The following GREB1L variants were observed in gnomAD, a reference collection of about 807,000 sequenced individuals.
GREB1L encodes the protein GREB1-like protein.
In GREB1L, 17 loss-of-function variants were observed where a neutral mutation model predicts 200.8. The observed-to-expected ratio is 0.08, with a 90% CI of 0.06 to 0.13. The LOEUF (loss-of-function observed/expected upper bound fraction) is 0.13. GREB1L is among the 10% of genes least tolerant of loss of function. The probability of loss-of-function intolerance (pLI) is 1.00; values close to 1 mark genes in which losing one functional copy is unlikely to be tolerated. For missense variants in GREB1L, 1,657 were observed against 2,367.7 expected (o/e 0.70, Z 6.23); for synonymous variants, 789 against 893.0 (o/e 0.88, Z 2.08).
At chr18:21,361,325 A>G (rs1466155968) in intron 1 of GREB1L, among the ~76,000 whole-genome samples, 1 of 152,230 alleles carries the variant, frequency 6.6e-6, no homozygotes, top group Non-Finnish European at 1.5e-5. Context: ...ACTCAGCAGC[A>G]TGCCATTTTG....
At chr18:21,499,597 A>C (rs2036691276) in intron 21 of GREB1L, 132 bp from the exon 22 acceptor site, 1 of 648,502 alleles carries the variant, frequency 1.5e-6, no homozygotes, top group Non-Finnish European at 2.7e-6. Flanking sequence ...GGCAAAGAGA[A>C]GATTTCTTGC....
chr18:21,260,446 A>T (rs1425859910), intron 1 of GREB1L, among the ~76,000 whole-genome samples: 1 of 151,666 alleles, frequency 6.6e-6, no homozygotes, highest in African/African-American at 2.4e-5. Flanking sequence ...CTTGTACAAT[A>T]ATATTTTAGC....
chr18:21,306,570 G>C (rs1292506481), intron 1 of GREB1L, among the ~76,000 whole-genome samples: 1 of 152,176 alleles, frequency 6.6e-6, no homozygotes, highest in Non-Finnish European at 1.5e-5. Context: ...TGAAATCGTG[G>C]TAAGTACTCA....
chr18:21,244,902 T>C (rs765373460), intron 1 of GREB1L, among the ~76,000 whole-genome samples: 2 of 152,220 alleles, frequency 1.3e-5, no homozygotes, highest in Non-Finnish European at 1.5e-5. Flanking sequence ...TTTGGTAAAG[T>C]GGAAATTAAC....
At chr18:21,269,138 G>C (rs1210539131) in intron 1 of GREB1L, among the ~76,000 whole-genome samples, 1 of 152,122 alleles carries the variant, frequency 6.6e-6, no homozygotes, top group Non-Finnish European at 1.5e-5. Context: ...CTGGGATGAA[G>C]ATGTCATAAA....
chr18:21,297,359 G>A (rs2038546892), intron 1 of GREB1L, among the ~76,000 whole-genome samples: 1 of 152,110 alleles, frequency 6.6e-6, no homozygotes. Flanking sequence ...CTTCTTGTCG[G>A]CAAGAAGTCT....
intron 1 of GREB1L, among the ~76,000 whole-genome samples, chr18:21,254,544 C>T (rs1048891094): frequency 6.6e-5 from 10 of 152,092 alleles, no homozygotes; most frequent in African/African-American, 1.9e-4. Flanking sequence ...AACATTAACA[C>T]CCCAGTCTTA....
intron 6 of GREB1L, among the ~76,000 whole-genome samples, chr18:21,402,426 T>C (rs1174198276): frequency 6.6e-6 from 1 of 151,862 alleles, no homozygotes; most frequent in Non-Finnish European, 1.5e-5. Flanking sequence ...TATCTTTTTT[T>C]CTTTTCTTTT....
intron 1 of GREB1L, among the ~76,000 whole-genome samples, chr18:21,252,799 C>T (rs1342538904): frequency 6.6e-6 from 1 of 152,056 alleles, no homozygotes; most frequent in Admixed American, 6.6e-5. Flanking sequence ...ACCCGGGAGG[C>T]GGAGGTTGCA....
chr18:21,352,428 TTA>T (rs1212301364), intron 1 of GREB1L, among the ~76,000 whole-genome samples: 1 of 151,300 alleles, frequency 6.6e-6, no homozygotes. Context: ...CAGTGTGCTT[TTA>T]TATATATATA....
At chr18:21,343,059 TG>T (rs1343591735) in intron 1 of GREB1L, among the ~76,000 whole-genome samples, 2 of 152,086 alleles carry the variant, frequency 1.3e-5, no homozygotes, top group Non-Finnish European at 2.9e-5. Flanking sequence ...ACTGTGTGAC[TG>T]GGCAACTTGG....
intron 7 of GREB1L, among the ~76,000 whole-genome samples, chr18:21,411,812 G>A (rs540531991): frequency 3.3e-5 from 5 of 151,770 alleles, no homozygotes; most frequent in Admixed American, 2.0e-4. Flanking sequence ...TTGGGAGGCC[G>A]AGGCGGGTGG....
At chr18:21,490,684 A>G (rs1008545459) in intron 19 of GREB1L, among the ~76,000 whole-genome samples, 7 of 152,210 alleles carry the variant, frequency 4.6e-5, no homozygotes, top group Non-Finnish European at 8.8e-5. Flanking sequence ...TTTCTGAGAA[A>G]AAAAGGTAAG....
At chr18:21,442,026 A>C (rs2033929622) in intron 10 of GREB1L, among the ~76,000 whole-genome samples, 1 of 152,216 alleles carries the variant, frequency 6.6e-6, no homozygotes, top group African/African-American at 2.4e-5. Flanking sequence ...CCACAAAGAA[A>C]TGAAACAAGC....
At chr18:21,432,578 G>A (rs1278357732) in intron 7 of GREB1L, among the ~76,000 whole-genome samples, 1 of 150,238 alleles carries the variant, frequency 6.7e-6, no homozygotes, top group Non-Finnish European at 1.5e-5. Context: ...AGGTTGATTG[G>A]CATCTTTTTG....
At chr18:21,468,602 C>T (rs1478433550) in intron 15 of GREB1L, 1 of 407,070 alleles carries the variant, frequency 2.5e-6, no homozygotes, top group Non-Finnish European at 5.0e-6. Context: ...CACTCAGTTT[C>T]TCTTAAAGTT....
At chr18:21,294,085 T>C (rs2038491669) in intron 1 of GREB1L, among the ~76,000 whole-genome samples, 1 of 152,202 alleles carries the variant, frequency 6.6e-6, no homozygotes, top group Non-Finnish European at 1.5e-5. Flanking sequence ...CACAGAACTT[T>C]CTGTGACAAT....
At chr18:21,359,475 A>G (rs1324687884) in intron 1 of GREB1L, among the ~76,000 whole-genome samples, 1 of 152,166 alleles carries the variant, frequency 6.6e-6, no homozygotes, top group Non-Finnish European at 1.5e-5. Flanking sequence ...AATAAAATCA[A>G]GAACTACTCA....
intron 7 of GREB1L, among the ~76,000 whole-genome samples, chr18:21,424,247 A>G (rs1392027496): frequency 6.6e-6 from 1 of 152,280 alleles, no homozygotes; most frequent in African/African-American, 2.4e-5. Flanking sequence ...CCTGGTTTAT[A>G]ATTTTGTTTA....
Sources: allele counts gnomAD v4.1 joint callset (sites outside exome capture counted in the v4.1 genomes callset), GRCh38; gene constraint gnomAD v4.1.1; transcripts MANE v1.5; gene names NCBI Gene and HGNC (gene_info 2026-07-23, HGNC 2026-07-21).